Variants in PRTG observed in about 807,000 individuals in gnomAD.
PRTG encodes the protein immunoglobulin superfamily, DCC subclass, member 5.
PRTG carries 67 observed loss-of-function variants against 122.5 expected under a neutral mutation model. The ratio of observed to expected loss-of-function variants is 0.55; its 90% CI spans 0.45 to 0.67. The LOEUF (loss-of-function observed/expected upper bound fraction) is 0.67, where lower values mean the gene tolerates loss of function less well. Ranked by LOEUF, PRTG falls within the 30% of genes least tolerant of loss-of-function variation. PRTG has a pLI of 0.00. For synonymous variants in PRTG, 554 were observed against 501.1 expected (o/e 1.11, Z -1.41); for missense variants, 1,435 against 1,415.4 (o/e 1.01, Z -0.22).
intron 11 of PRTG, among the ~76,000 whole-genome samples, chr15:55,665,498 GT>G (rs1555431925): frequency 2.5e-5 from 3 of 118,082 alleles, no homozygotes; most frequent in Non-Finnish European, 4.1e-5. Context: ...AGCTAAAAAG[GT>G]TTTTTTTGTT....
intron 2 of PRTG, among the ~76,000 whole-genome samples, chr15:55,709,378 T>C (rs2030289089): frequency 6.9e-6 from 1 of 145,762 alleles, no homozygotes; most frequent in Non-Finnish European, 1.5e-5. Flanking sequence ...AAATATACAA[T>C]ATATATATAT....
intron 2 of PRTG, among the ~76,000 whole-genome samples, chr15:55,695,591 G>C (rs1303900563): frequency 2.0e-5 from 3 of 152,206 alleles, no homozygotes; most frequent in Admixed American, 6.5e-5. Context: ...GCAGGGCAAC[G>C]TGGGCAGAAG....
chr15:55,665,670 T>G (rs905309459), intron 11 of PRTG, among the ~76,000 whole-genome samples: 1 of 151,814 alleles, frequency 6.6e-6, no homozygotes, highest in African/African-American at 2.4e-5. Context: ...TTCAGCCTCC[T>G]GAGTAGCTAG....
intron 2 of PRTG, among the ~76,000 whole-genome samples, chr15:55,690,659 A>G (rs1316420937): frequency 6.6e-6 from 1 of 152,210 alleles, no homozygotes; most frequent in Non-Finnish European, 1.5e-5. Flanking sequence ...ATTTAAAAAA[A>G]AATGTGAAAT....
At chr15:55,633,092 G>A (rs563352788) in intron 15 of PRTG, among the ~76,000 whole-genome samples, 1 of 152,106 alleles carries the variant, frequency 6.6e-6, no homozygotes, top group Admixed American at 6.5e-5. Context: ...TTGAAAGAGG[G>A]GCATCTTTAT....
At position 55,620,335 on chromosome 15, in the gene PRTG, G is replaced by A. The variant is rs909051321; in HGVS notation, c.3199-69C>T. ...CGAATCCACGAGCAAAAGCTCATCA[G>A]GTCCCCACAGACAGGTGGGAGCACA... is the stretch of plus-strand genomic sequence containing the variant. On this transcript the variant is annotated intron_variant, in intron 19 of 19. Coordinates refer to ENST00000389286, the MANE Select transcript of PRTG (RefSeq NM_173814.6). 1.9e-6 allele frequency: 3 copies of A among 1,572,324 alleles called. No homozygotes were observed. In the African/African-American group the frequency reaches 4.1e-5, roughly 21 times the overall value.
intron 15 of PRTG, among the ~76,000 whole-genome samples, chr15:55,635,738 A>T (rs1184212154): frequency 6.6e-6 from 1 of 152,154 alleles, no homozygotes; most frequent in African/African-American, 2.4e-5. Context: ...AACTCATAAG[A>T]GTTTTATATT....
chr15:55,716,636 G>A (rs1394044814), intron 2 of PRTG, among the ~76,000 whole-genome samples: 1 of 151,976 alleles, frequency 6.6e-6, no homozygotes, highest in African/African-American at 2.4e-5. Flanking sequence ...AGACCATTAG[G>A]AGAAAAAAAT....
chr15:55,660,422 T>C (rs1312082493), intron 11 of PRTG, among the ~76,000 whole-genome samples: 1 of 152,206 alleles, frequency 6.6e-6, no homozygotes, highest in Non-Finnish European at 1.5e-5. Context: ...CATCTAAAGA[T>C]TCTTTACATT....
intron 11 of PRTG, among the ~76,000 whole-genome samples, chr15:55,642,037 A>C (rs972740891): frequency 4.8e-4 from 73 of 150,646 alleles, no homozygotes; most frequent in Non-Finnish European, 6.7e-4. Flanking sequence ...AGCCGGGCGC[A>C]GTGGCGGGCG....
At chr15:55,681,017 GCTT>G (rs1016732670) in intron 4 of PRTG, among the ~76,000 whole-genome samples, 4 of 151,992 alleles carry the variant, frequency 2.6e-5, no homozygotes, top group African/African-American at 9.7e-5. Flanking sequence ...TTTCTGAATG[GCTT>G]CTTTTCAGTT....
intron 2 of PRTG, among the ~76,000 whole-genome samples, chr15:55,725,238 T>C (rs528357757): frequency 5.9e-5 from 9 of 152,292 alleles, no homozygotes; most frequent in African/African-American, 2.2e-4. Flanking sequence ...AAATTGAGGA[T>C]GTTAAGTATA....
chr15:55,636,303 T>C (rs1188297337), intron 15 of PRTG, among the ~76,000 whole-genome samples: 1 of 152,084 alleles, frequency 6.6e-6, no homozygotes, highest in Non-Finnish European at 1.5e-5. Context: ...GGGTCAATTT[T>C]TTTTTTCATA....
intron 17 of PRTG, among the ~76,000 whole-genome samples, chr15:55,625,769 G>A (rs563882266): frequency 2.0e-5 from 3 of 151,922 alleles, no homozygotes; most frequent in South Asian, 4.2e-4. Context: ...GATTATAGGC[G>A]CCTACCACCA....
At position 55,639,841 on chromosome 15, in the gene PRTG, A is replaced by G. The variant is rs1243609262; in HGVS notation, c.2138-13T>C. 1 of 1,612,824 alleles carries G rather than the reference A, an allele frequency of 6.2e-7. No homozygotes were observed. The highest frequency in any genetic ancestry group is 1.7e-5 in the Admixed American group (1 of 59,858). ...CGATCACGAACAGCTATTGAGAAAAACAATGTTAATTTACGATACGACATA... is the reference window on the plus strand; with the variant it reads ...CGATCACGAACAGCTATTGAGAAAAGCAATGTTAATTTACGATACGACATA... On this transcript the variant is annotated splice_polypyrimidine_tract_variant and intron_variant, in intron 12 of 19. Coordinates refer to ENST00000389286, the MANE Select transcript of PRTG (RefSeq NM_173814.6).
At chr15:55,639,590 G>T (rs372342073) in intron 13 of PRTG, 52 bp downstream of exon 13, 2 of 1,493,314 alleles carry the variant, frequency 1.3e-6, no homozygotes, top group South Asian at 1.2e-5. Context: ...AAGTTGGAGT[G>T]GGGGTGTGGT....
chr15:55,643,104 T>A (rs2059301709), intron 11 of PRTG, among the ~76,000 whole-genome samples: 2 of 152,174 alleles, frequency 1.3e-5, no homozygotes, highest in South Asian at 4.2e-4. Flanking sequence ...AATTCCAGAA[T>A]AAAATATAAA....
chr15:55,739,747 G>C (rs1244073730), intron 2 of PRTG, among the ~76,000 whole-genome samples: 4 of 152,136 alleles, frequency 2.6e-5, no homozygotes, highest in African/African-American at 9.7e-5. Context: ...GAAATCATTA[G>C]ATAGCACACT....
At chr15:55,629,369 ATATATATGTGTGTGTGTG>A (rs1289595264) in intron 15 of PRTG, among the ~76,000 whole-genome samples, 1,134 of 34,382 alleles carry the variant, frequency 0.033, 16 homozygotes, top group East Asian at 0.14. Flanking sequence ...GTATATATAT[ATATATATGTGTGTGTGTG>A]TGTGTGTGTG....
Sources: allele counts gnomAD v4.1 joint callset (sites outside exome capture counted in the v4.1 genomes callset), GRCh38; gene constraint gnomAD v4.1.1; transcripts MANE v1.5; gene names NCBI Gene and HGNC (gene_info 2026-07-23, HGNC 2026-07-21).